CHD7: variants seen among roughly 807,000 people sequenced by gnomAD.
CHD7 encodes the protein ATP-dependent chromatin remodeler CHD7.
Under a neutral mutation model 307.3 loss-of-function variants are expected in CHD7, and 24 were observed. The ratio of observed to expected loss-of-function variants is 0.08; its 90% CI spans 0.06 to 0.11. CHD7 has a LOEUF of 0.11. CHD7 is among the 10% of genes least tolerant of loss of function. The probability of loss-of-function intolerance (pLI) is 1.00; values close to 1 mark genes in which losing one functional copy is unlikely to be tolerated. For synonymous variants in CHD7, 1,363 were observed against 1,349.9 expected, an observed-to-expected ratio of 1.01 and a Z score of -0.21; for missense variants, 3,106 against 3,727.1, an observed-to-expected ratio of 0.83 and a Z score of 4.34.
At chr8:60,832,188 A>T (rs1390586045) in intron 15 of CHD7, among the ~76,000 whole-genome samples, 2 of 151,612 alleles carry the variant, frequency 1.3e-5, no homozygotes, top group Non-Finnish European at 1.5e-5. Context: ...CGCCCAGCTA[A>T]TTTTTTTTGT....
At chr8:60,703,781 C>G (rs576547624) in intron 1 of CHD7, among the ~76,000 whole-genome samples, 1 of 152,324 alleles carries the variant, frequency 6.6e-6, no homozygotes, top group South Asian at 2.1e-4. Flanking sequence ...AGCTACCAAG[C>G]CTGGTCTGTT....
intron 1 of CHD7, among the ~76,000 whole-genome samples, chr8:60,694,406 C>A (rs1210546406): frequency 2.0e-5 from 3 of 152,154 alleles, no homozygotes; most frequent in African/African-American, 7.2e-5. Context: ...CACTTATGAC[C>A]CTGTGGAACA....
chr8:60,708,812 C>A (rs1012612811), intron 1 of CHD7, among the ~76,000 whole-genome samples: 1 of 152,170 alleles, frequency 6.6e-6, no homozygotes, highest in Non-Finnish European at 1.5e-5. Flanking sequence ...TCTTTTCAAC[C>A]GAATGCAACT....
At chr8:60,683,573 T>G (rs1329572508) in intron 1 of CHD7, among the ~76,000 whole-genome samples, 1 of 152,242 alleles carries the variant, frequency 6.6e-6, no homozygotes, top group Non-Finnish European at 1.5e-5. Context: ...AGAGAATGAT[T>G]GGATATTTAG....
In CHD7 at chr8:60,851,061, C is replaced by T; in HGVS notation, c.5564C>T (p.Pro1855Leu). 1 of 1,574,848 alleles carries T rather than the reference C, an allele frequency of 6.3e-7. No individual in the cohort carries two copies. The highest frequency in any genetic ancestry group is 8.6e-7 in the Non-Finnish European group (1 of 1,159,084). The change falls in exon 27 of 38, where the codon CCA becomes CTA. Residue 1855 changes from proline to leucine, a missense_variant. Coordinates refer to ENST00000423902, the MANE Select transcript of CHD7 (RefSeq NM_017780.4). ...GAATTTGATAGAGAAGATGAAGACCCAGAATATAAACCAACCAGAACACCG... is the reference window on the plus strand; with the variant it reads ...GAATTTGATAGAGAAGATGAAGACCTAGAATATAAACCAACCAGAACACCG... ...GGEFDREDED[P>L]EYKPTRTPFK... is the part of the protein sequence containing the mutation.
chr8:60,738,619 G>T (rs1054725776), intron 1 of CHD7, among the ~76,000 whole-genome samples: 5 of 152,140 alleles, frequency 3.3e-5, no homozygotes, highest in African/African-American at 1.2e-4. Context: ...AAATTAATTA[G>T]ATTATCTCAA....
chr8:60,681,107 T>G (rs1297170414), intron 1 of CHD7, among the ~76,000 whole-genome samples: 1 of 152,192 alleles, frequency 6.6e-6, no homozygotes, highest in South Asian at 2.1e-4. Flanking sequence ...ACAAAATACG[T>G]GTCTTTATTT....
chr8:60,834,298 T>A (rs1586413069), intron 15 of CHD7, among the ~76,000 whole-genome samples: 1 of 152,362 alleles, frequency 6.6e-6, no homozygotes, highest in South Asian at 2.1e-4. Context: ...ATATTTTATA[T>A]TGTGGATTTT....
intron 1 of CHD7, among the ~76,000 whole-genome samples, chr8:60,701,672 A>T (rs544590472): frequency 1.3e-5 from 2 of 152,280 alleles, no homozygotes; most frequent in South Asian, 4.1e-4. Flanking sequence ...TTAAAGAGTG[A>T]ATTTTATTTG....
intron 34 of CHD7, 99 bp downstream of exon 34, chr8:60,856,987 G>A (rs1563665906): frequency 1.5e-5 from 16 of 1,080,852 alleles, no homozygotes; most frequent in Non-Finnish European, 1.8e-5. Flanking sequence ...CAGCAGCATT[G>A]TATGAAAGCC....
chr8:60,728,240 A>G (rs1808267272), intron 1 of CHD7, among the ~76,000 whole-genome samples: 1 of 152,256 alleles, frequency 6.6e-6, no homozygotes, highest in Non-Finnish European at 1.5e-5. Context: ...CAAACAAGGA[A>G]TTGTAAAGCT....
intron 1 of CHD7, among the ~76,000 whole-genome samples, chr8:60,717,261 G>A (rs146921151): frequency 6.6e-6 from 1 of 152,266 alleles, no homozygotes; most frequent in African/African-American, 2.4e-5. Flanking sequence ...GAAAGATAGT[G>A]TATCATTGTG....
Position 60,865,835 on chromosome 8 carries a change from G to A in CHD7, c.8896G>A (p.Ala2966Thr), listed in dbSNP as rs1191108445. The change falls in exon 38 of 38, where the codon GCA becomes ACA. Residue 2966 changes from alanine to threonine, a missense_variant. Physicochemically the swap from Ala to Thr is moderately conservative, Grantham distance 58. Around this residue, in one of 10 missense-constraint regions of CHD7, gnomAD observed 351 missense variants for 366.2 expected, o/e 0.96. Transcript: ENST00000423902. The surrounding 1 kb of genome is among the most constrained non-coding windows in gnomAD (Gnocchi z 4.3). ...SDAEESLDKTAESSLLEDEIA... is the reference protein window; with the variant it reads ...SDAEESLDKTTESSLLEDEIA... ...TGCCGAGGAGAGCCTGGATAAGACT[G>A]CAGAGTCCTCCCTCTTAGAAGACGA... 6.2e-7 allele frequency: 1 copy of A among 1,613,658 alleles called. No homozygotes were observed. The highest frequency in any genetic ancestry group is 2.2e-5 in the East Asian group (1 of 44,886).
intron 1 of CHD7, among the ~76,000 whole-genome samples, chr8:60,709,366 C>G (rs1025531915): frequency 3.3e-5 from 5 of 152,238 alleles, no homozygotes; most frequent in Non-Finnish European, 5.9e-5. Context: ...AAATCACCAA[C>G]GTTTATTCAC....
At chr8:60,794,671 G>C (rs934145372) in intron 3 of CHD7, among the ~76,000 whole-genome samples, 1 of 152,146 alleles carries the variant, frequency 6.6e-6, no homozygotes, top group African/African-American at 2.4e-5. Flanking sequence ...TTAAAAATTC[G>C]ATAGCAAAAC....
chr8:60,699,119 A>G (rs1010997272), intron 1 of CHD7, among the ~76,000 whole-genome samples: 3 of 152,248 alleles, frequency 2.0e-5, no homozygotes, highest in African/African-American at 7.2e-5. Flanking sequence ...GCAACTTGAG[A>G]GCAATTAGAT....
chr8:60,713,840 C>T (rs1228829330), intron 1 of CHD7, among the ~76,000 whole-genome samples: 1 of 152,118 alleles, frequency 6.6e-6, no homozygotes, highest in East Asian at 1.9e-4. Context: ...CATCTTAGAT[C>T]GGCTTCTCAT....
At chr8:60,751,851 T>TA (rs1809657460) in intron 2 of CHD7, among the ~76,000 whole-genome samples, 1 of 152,182 alleles carries the variant, frequency 6.6e-6, no homozygotes, top group African/African-American at 2.4e-5. Context: ...GCGTTGCATT[T>TA]AAAAAAGTCA....
At chr8:60,761,253 A>G (rs1810185774) in intron 2 of CHD7, among the ~76,000 whole-genome samples, 1 of 149,274 alleles carries the variant, frequency 6.7e-6, no homozygotes, top group African/African-American at 2.5e-5. Flanking sequence ...CAAAAAACCA[A>G]ACACCGCATA....
Sources: allele counts gnomAD v4.1 joint callset (sites outside exome capture counted in the v4.1 genomes callset), GRCh38; gene constraint gnomAD v4.1.1; regional missense constraint gnomAD v4.1.1; non-coding constraint Gnocchi (gnomAD v3.1); transcripts MANE v1.5; gene names NCBI Gene and HGNC (gene_info 2026-07-23, HGNC 2026-07-21).